ATG2A: variants seen among roughly 807,000 people sequenced by gnomAD.
ATG2A encodes autophagy-related protein 2 homolog A.
A neutral mutation model predicts 214.2 loss-of-function variants in ATG2A; 103 were observed. The ratio of observed to expected loss-of-function variants is 0.48; its 90% CI spans 0.41 to 0.57. The LOEUF (loss-of-function observed/expected upper bound fraction) is 0.57, where lower values mean the gene tolerates loss of function less well. ATG2A is among the 20% of genes least tolerant of loss of function. The pLI is 0.00. For synonymous variants in ATG2A, 1,160 were observed against 1,142.1 expected (o/e 1.02, Z -0.32); for missense variants, 2,312 against 2,613.2 (o/e 0.88, Z 2.51).
chr11:64,903,182 A>G lies in ATG2A; in HGVS notation c.3612+106T>C. 9.5e-7 allele frequency: 1 copy of G among 1,056,120 alleles called. No individual in the cohort carries two copies. Among genetic ancestry groups the G allele is most frequent in the Non-Finnish European group, 1.4e-6 (1 of 698,848 alleles). The allele number at this position is 1,056,120 out of a possible 1,614,324, so 65.4% of individuals were successfully genotyped here. On this transcript the variant is annotated intron_variant, in intron 26 of 40. Transcript: ENST00000377264. This position sits in a 1 kb window ranked among gnomAD's most constrained non-coding sequence, Gnocchi z 4.2. The stretch of plus-strand genomic sequence containing the variant: ...CTGCAGCCCAGGAAGGGCAGGCATG[A>G]ACTGTGTCCGGAGCCCAGGCACGTG...
Position 64,898,457 on chromosome 11 carries a change from C to G in ATG2A, c.4672-95G>C, listed in dbSNP as rs1298990880. On this transcript the variant is annotated intron_variant, in intron 32 of 40. Transcript: ENST00000377264. The surrounding 1 kb of genome is among the most constrained non-coding windows in gnomAD (Gnocchi z 4.5). ...GACAGCTCACCCAGCCACCCTGCCT[C>G]TGAACACGCTGTTCCCTTCGCTAAC... 7.5e-7 allele frequency: 1 copy of G among 1,339,064 alleles called. No individual in the cohort carries two copies. Among genetic ancestry groups the G allele is most frequent in the Admixed American group, 2.2e-5 (1 of 44,518 alleles). 82.9% of individuals were successfully genotyped at this position (1,339,064 alleles called of 1,614,324 possible).
rs1354018359 is a variant in ATG2A at position 64,895,511 on chromosome 11, C to G, written c.5428-69G>C. The G allele has an allele frequency of 6.9e-7, 1 of 1,445,300 alleles. No individual in the cohort carries two copies. The allele number at this position is 1,445,300 out of a possible 1,614,324, so 89.5% of individuals were successfully genotyped here. A position where few individuals can be genotyped will look rare whatever the true frequency, so the allele number is the denominator to read the frequency against. ...ACACGTCAGCCCCAGGCCCCCAGGA[C>G]AGTCTGAGACCCCACCAGCCCTCAG... On this transcript the variant is annotated intron_variant, in intron 39 of 40. Transcript: ENST00000377264. The surrounding 1 kb of genome is among the most constrained non-coding windows in gnomAD (Gnocchi z 5.0).
In ATG2A at chr11:64,909,169, G is replaced by C. The variant is rs145571275; in HGVS notation, c.2205-19C>G. 1 of 1,606,288 alleles carries C rather than the reference G, an allele frequency of 6.2e-7. No homozygotes were observed. The highest frequency in any genetic ancestry group is 2.2e-5 in the East Asian group (1 of 44,810). On this transcript the variant is annotated intron_variant, in intron 15 of 40. Coordinates refer to ENST00000377264, the MANE Select transcript of ATG2A (RefSeq NM_015104.3). ...CACTACCCTGCCGGGGCACAGGCCT[G>C]TTACTGGCCTGCAGGGCCCCCGGCA... is the stretch of plus-strand genomic sequence containing the variant.
In ATG2A at chr11:64,894,696, CA is replaced by C. The variant is rs1483046311; in HGVS notation, c.*276del. 2.9e-6 allele frequency: 2 copies of C among 683,068 alleles called. No individual in the cohort carries two copies. The highest frequency in any genetic ancestry group is 1.8e-5 in the African/African-American group (1 of 56,998). 42.3% of individuals were successfully genotyped at this position (683,068 alleles called of 1,614,324 possible). A position where few individuals can be genotyped will look rare whatever the true frequency, so the allele number is the denominator to read the frequency against. On this transcript the variant is annotated 3_prime_UTR_variant, in exon 41 of 41. Coordinates refer to ENST00000377264, the MANE Select transcript of ATG2A (RefSeq NM_015104.3). The stretch of plus-strand genomic sequence containing the variant: ...CTGAGTGGGATGGGGTCCGAGGGTC[CA>C]AAAGCCTCCGTCCTGGGAGAAGGCA...
At position 64,903,676 on chromosome 11, in the gene ATG2A, G is replaced by A. The variant is rs1944439721; in HGVS notation, c.3465-16C>T. On this transcript the variant is annotated splice_polypyrimidine_tract_variant and intron_variant, in intron 24 of 40. Transcript: ENST00000377264. The surrounding 1 kb of genome is among the most constrained non-coding windows in gnomAD (Gnocchi z 4.2). ...GAGGATGAACCTGGGGGGGAACAGG[G>A]CTGAGAAGGGCCCGGGCACCGCTGC... 1 of 1,547,160 alleles carries A rather than the reference G, an allele frequency of 6.5e-7. No homozygotes were observed. Among genetic ancestry groups the A allele is most frequent in the African/African-American group, 1.4e-5 (1 of 73,054 alleles).
Position 64,898,632 on chromosome 11 carries a change from A to G in ATG2A, c.4671+4T>C, listed in dbSNP as rs754187523. ...CCAGGGTGGATGGTGCAGGTCGCTCATACCATGTTAGAGTGGGCACGTCGC... is the reference window on the plus strand; with the variant it reads ...CCAGGGTGGATGGTGCAGGTCGCTCGTACCATGTTAGAGTGGGCACGTCGC... On this transcript the variant is annotated splice_donor_region_variant and intron_variant, in intron 32 of 40. Transcript: ENST00000377264. The surrounding 1 kb of genome is among the most constrained non-coding windows in gnomAD (Gnocchi z 4.5). The G allele has an allele frequency of 6.2e-7, 1 of 1,612,744 alleles. No homozygotes were observed. Among genetic ancestry groups the G allele is most frequent in the East Asian group, 2.2e-5 (1 of 44,844 alleles).
Position 64,913,059 on chromosome 11 carries a change from A to T in ATG2A, c.804T>A (p.Asn268Lys). The stretch of plus-strand genomic sequence containing the variant: ...CCACCTTGGGGCCAGGGAAGGCCTC[A>T]TTTTGCTTCAACTTCACCATCAGCT... ...YMELMVKLKQ[N>K]EAFPGPKLEV... Residue 268 changes from asparagine to lysine, a missense_variant, in exon 6 of 41, where the codon AAT (asparagine) becomes AAA (lysine). Coordinates refer to ENST00000377264, the MANE Select transcript of ATG2A (RefSeq NM_015104.3). The surrounding 1 kb of genome is among the most constrained non-coding windows in gnomAD (Gnocchi z 4.3). 6.4e-7 allele frequency: 1 copy of T among 1,565,044 alleles called. No homozygotes were observed. Among genetic ancestry groups the T allele is most frequent in the South Asian group, 1.2e-5 (1 of 84,742 alleles).
intron 30 of ATG2A, 96 bp downstream of exon 30, chr11:64,900,788 G>A: frequency 6.9e-7 from 1 of 1,449,518 alleles, no homozygotes; most frequent in Non-Finnish European, 9.2e-7. Flanking sequence ...CACCTGGGGT[G>A]GATGGGGCTC....
chr11:64,909,805 G>A lies in ATG2A; in HGVS notation c.1983C>T (p.Gly661=). Residue 661 remains glycine (G), a synonymous_variant, in exon 14 of 41, where the codon GGC becomes GGT. Transcript: ENST00000377264. ...GAAGCTGCTCAGCCCGCACGGCCTGGCCCGCCCAGGGGTCCGGCTCAGGCC... is the reference window on the plus strand; with the variant it reads ...GAAGCTGCTCAGCCCGCACGGCCTGACCCGCCCAGGGGTCCGGCTCAGGCC... The part of the protein sequence containing the change: ...DLRPEPDPWA[G]QAVRAEQLRL... 6.2e-7 allele frequency: 1 copy of A among 1,611,684 alleles called. No individual in the cohort carries two copies. Among genetic ancestry groups the A allele is most frequent in the Non-Finnish European group, 8.5e-7 (1 of 1,179,594 alleles).
In ATG2A at chr11:64,909,138, A is replaced by G. The variant is rs747953036; in HGVS notation, c.2217T>C (p.Thr739=). The G allele has an allele frequency of 1.2e-6, 2 of 1,610,312 alleles. No homozygotes were observed. The highest frequency in any genetic ancestry group is 1.7e-6 in the Non-Finnish European group (2 of 1,178,528). The change falls in exon 16 of 41, where the codon ACT becomes ACC. Residue 739 remains threonine, a synonymous_variant. Transcript: ENST00000377264. ...GTGTGCTGCTGGACTGGGGGTTCAC[A>G]GTCACCACTACCCTGCCGGGGCACA... ...RKYFLPQVVV[T]VNPQSSSTQW...
rs1318087473 is a variant in ATG2A at position 64,913,119 on chromosome 11, G to GGGCTCTGGA, written c.735_743dup (p.Glu247_Pro249dup). 3 of 1,578,880 alleles carry GGGCTCTGGA rather than the reference G, an allele frequency of 1.9e-6. No individual in the cohort carries two copies. The African/African-American group carries it at 4.0e-5, about 21-fold the overall frequency. On this transcript the variant is annotated inframe_insertion, in exon 6 of 41. Transcript: ENST00000377264. This position sits in a 1 kb window ranked among gnomAD's most constrained non-coding sequence, Gnocchi z 4.3. The stretch of plus-strand genomic sequence containing the variant: ...CTGAGCAGCTGCCGATCTGCAAGGG[G>GGGCTCTGGA]GGCTCTGGAGGCTCTTCCTGGGAGA...
Position 64,911,860 on chromosome 11 carries a change from C to G in ATG2A, c.1210G>C (p.Ala404Pro). 1 of 1,613,206 alleles carries G rather than the reference C, an allele frequency of 6.2e-7. No homozygotes were observed. Among genetic ancestry groups the G allele is most frequent in the South Asian group, 1.1e-5 (1 of 91,004 alleles). The change falls in exon 9 of 41, where the codon GCC (alanine) becomes CCC (proline). Residue 404 changes from alanine to proline, a missense_variant. By Grantham distance (27) the Ala-to-Pro change is conservative. Coordinates refer to ENST00000377264, the MANE Select transcript of ATG2A (RefSeq NM_015104.3). ...AACTCACCAGCTGGGTGGGCCTGGG[C>G]AGAGAGCCGGCGGGAGGCCATGTCG... is the stretch of plus-strand genomic sequence containing the variant. ...RSDMASRRLS[A>P]QAHPAGKMAP...
At position 64,900,603 on chromosome 11, in the gene ATG2A, C is replaced by T. The variant is rs1247084049; in HGVS notation, c.4355G>A (p.Arg1452Lys). ...HRARTGLSGP[R>K]SSPSRCSGPN... ...GCCAGAGCAGCGGGAAGGGGAGCTC[C>T]TGGGACCTGAGAGGCCAGTTCTTGC... The change falls in exon 31 of 41, where the codon AGG (arginine) becomes AAG (lysine). Residue 1452 changes from arginine (R) to lysine (K), a missense_variant. Physicochemically the swap from Arg to Lys is conservative, Grantham distance 26 (BLOSUM62 2). Transcript: ENST00000377264. 1.2e-6 allele frequency: 2 copies of T among 1,611,720 alleles called. No homozygotes were observed. Among genetic ancestry groups the T allele is most frequent in the Non-Finnish European group, 1.7e-6 (2 of 1,179,048 alleles).
chr11:64,894,841 G>T lies in ATG2A; in HGVS notation c.*132C>A, dbSNP rs1458665759. The stretch of plus-strand genomic sequence containing the variant: ...CCCTCTCACAGCAGATTGGCAACGG[G>T]CAGGCTGGGAAGGCGTCCTTCACAG... On this transcript the variant is annotated 3_prime_UTR_variant, in exon 41 of 41. Coordinates refer to ENST00000377264, the MANE Select transcript of ATG2A (RefSeq NM_015104.3). 9.1e-7 allele frequency: 1 copy of T among 1,100,346 alleles called. No individual in the cohort carries two copies. The highest frequency in any genetic ancestry group is 1.4e-6 in the Non-Finnish European group (1 of 725,620). 68.2% of individuals were successfully genotyped at this position (1,100,346 alleles called of 1,614,324 possible). A position where few individuals can be genotyped will look rare whatever the true frequency, so the allele number is the denominator to read the frequency against.
At chr11:64,906,233 C>T (rs7942472) in intron 21 of ATG2A, 40 bp from the exon 22 acceptor site, 83,925 of 1,608,630 alleles carry the variant, frequency 0.052, 3,522 homozygotes, top group African/African-American at 0.21. Context: ...GGGAGGCCAG[C>T]CCCACCGTGC....
In ATG2A at chr11:64,911,943, G is replaced by T; in HGVS notation, c.1127C>A (p.Ala376Asp). ...FSMAGLTSSV[A>D]SALSELSLSD... Reference sequence around the variant, plus strand: ...GAGGGAGAGCTCAGAGAGGGCTGAGGCCACACTGCTTGTGAGGCCAGCCAT... The same window carrying T: ...GAGGGAGAGCTCAGAGAGGGCTGAGTCCACACTGCTTGTGAGGCCAGCCAT... Residue 376 changes from alanine (A) to aspartate (D), a missense_variant, in exon 9 of 41, where the codon GCC (alanine) becomes GAC (aspartate). Physicochemically the swap from Ala to Asp is moderately radical, Grantham distance 126. Transcript: ENST00000377264. 1 of 1,613,708 alleles carries T rather than the reference G, an allele frequency of 6.2e-7. No homozygotes were observed. The highest frequency in any genetic ancestry group is 8.5e-7 in the Non-Finnish European group (1 of 1,179,808).
chr11:64,910,293 G>C, intron 12 of ATG2A, 98 bp from the exon 13 acceptor site: 2 of 1,470,760 alleles, frequency 1.4e-6, no homozygotes, highest in South Asian at 2.7e-5. Flanking sequence ...CTGGGGCAGG[G>C]GCCACGAGAG....
intron 1 of ATG2A, among the ~76,000 whole-genome samples, 193 bp downstream of exon 1, chr11:64,916,772 C>T (rs1487475725): frequency 6.6e-6 from 1 of 152,184 alleles, no homozygotes; most frequent in East Asian, 1.9e-4. Context: ...GAAACCCCTT[C>T]CCGCTCAGTT....
chr11:64,897,542 T>C (rs1565739225), intron 36 of ATG2A, 48 bp from the exon 37 acceptor site: 5 of 1,594,936 alleles, frequency 3.1e-6, no homozygotes, highest in Non-Finnish European at 4.3e-6. Context: ...CTCAGGGAGC[T>C]AGCTAGCCCA....
Sources: gnomAD v4.1 joint callset for allele counts (sites outside exome capture counted in the v4.1 genomes callset) on GRCh38, gnomAD v4.1.1 for gene constraint, Gnocchi (gnomAD v3.1) non-coding constraint, MANE v1.5 for transcripts, NCBI Gene and HGNC (gene_info 2026-07-23, HGNC 2026-07-21) for gene names.